Variants in CCDC7 observed in about 807,000 individuals in gnomAD.
CCDC7 encodes the protein coiled-coil domain containing 7.
Under a neutral mutation model 196.9 loss-of-function variants are expected in CCDC7, and 183 were observed. The observed-to-expected ratio is 0.93, with a 90% CI of 0.82 to 1.05. CCDC7 has a LOEUF of 1.05. CCDC7 is among the 50% of genes least tolerant of loss of function. The pLI is 0.00. For synonymous variants in CCDC7, 525 were observed against 484.6 expected, an observed-to-expected ratio of 1.08 and a Z score of -1.10; for missense variants, 1,540 against 1,482.2, an observed-to-expected ratio of 1.04 and a Z score of -0.64.
intron 18 of CCDC7, among the ~76,000 whole-genome samples, chr10:32,619,749 T>C (rs1455137307): frequency 6.6e-6 from 1 of 150,726 alleles, no homozygotes; most frequent in Admixed American, 6.6e-5. Flanking sequence ...CGCACCACCA[T>C]GCCAGTCTAT....
chr10:32,559,933 A>G (rs1378847518), intron 13 of CCDC7, among the ~76,000 whole-genome samples: 1 of 152,204 alleles, frequency 6.6e-6, no homozygotes, highest in Non-Finnish European at 1.5e-5. Context: ...AAAAAAATTT[A>G]GACGAATGTA....
chr10:32,665,544 A>T (rs553928563), intron 21 of CCDC7, among the ~76,000 whole-genome samples: 35 of 151,982 alleles, frequency 2.3e-4, no homozygotes, highest in African/African-American at 8.4e-4. Flanking sequence ...TAGTTTTTCA[A>T]CACCATTGTA....
intron 21 of CCDC7, among the ~76,000 whole-genome samples, chr10:32,674,555 C>T (rs1202469304): frequency 6.6e-6 from 1 of 151,902 alleles, no homozygotes; most frequent in Admixed American, 6.6e-5. Flanking sequence ...TGTGTGTATT[C>T]CGCTGCTTTT....
Position 32,511,264 on chromosome 10 carries a change from G to GGA in CCDC7, c.873-6680_873-6679insAG, listed in dbSNP as rs1554812954. 4.9e-4 allele frequency: 265 copies of GGA among 543,884 alleles called. 14 individuals are homozygous for GGA. The highest frequency in any genetic ancestry group is 7.3e-4 in the Non-Finnish European group (231 of 317,316). The allele number at this position is 543,884 out of a possible 1,614,324, so 33.7% of individuals were successfully genotyped here. ...CACAGAATTATTCTGTGGGGGGCGG[G>GGA]GGGGGCGGGGAAATGTACTTTTTGA... On this transcript the variant is annotated intron_variant, in intron 9 of 41. Coordinates refer to ENST00000639629, the Ensembl canonical transcript of CCDC7.
chr10:32,714,870 A>G (rs1353672497), intron 25 of CCDC7, among the ~76,000 whole-genome samples: 1 of 152,222 alleles, frequency 6.6e-6, no homozygotes, highest in African/African-American at 2.4e-5. Flanking sequence ...TGGGCAGGGC[A>G]TCTCTGAAAG....
intron 31 of CCDC7, among the ~76,000 whole-genome samples, chr10:32,818,212 A>G (rs994434385): frequency 6.6e-6 from 1 of 152,242 alleles, no homozygotes; most frequent in Non-Finnish European, 1.5e-5. Flanking sequence ...AACAGACTTT[A>G]AACCAATGAA....
chr10:32,743,156 C>T (rs963851290), intron 28 of CCDC7, among the ~76,000 whole-genome samples: 2 of 152,098 alleles, frequency 1.3e-5, no homozygotes, highest in Non-Finnish European at 2.9e-5. Flanking sequence ...GACATGTTTT[C>T]AATTCATTTG....
chr10:32,838,109 G>A (rs1397355598), intron 33 of CCDC7, among the ~76,000 whole-genome samples: 2 of 151,726 alleles, frequency 1.3e-5, no homozygotes, highest in Non-Finnish European at 2.9e-5. Flanking sequence ...AAAATAAATA[G>A]GTTCAGAGAA....
intron 13 of CCDC7, among the ~76,000 whole-genome samples, chr10:32,552,689 G>A (rs908254593): frequency 2.0e-5 from 3 of 152,038 alleles, no homozygotes; most frequent in African/African-American, 7.2e-5. Flanking sequence ...GCTTAGTTTC[G>A]CTAGATACAA....
intron 28 of CCDC7, among the ~76,000 whole-genome samples, chr10:32,730,104 T>A (rs2083703479): frequency 6.6e-6 from 1 of 152,170 alleles, no homozygotes; most frequent in Admixed American, 6.5e-5. Context: ...CATCCAGGTA[T>A]TAAGCCCAGC....
chr10:32,665,791 G>A (rs1176268053), intron 21 of CCDC7, among the ~76,000 whole-genome samples: 1 of 151,900 alleles, frequency 6.6e-6, no homozygotes, highest in African/African-American at 2.4e-5. Flanking sequence ...ATTCATAACT[G>A]ATGGGCATTT....
At chr10:32,724,472 G>A (rs2082843304) in intron 25 of CCDC7, among the ~76,000 whole-genome samples, 1 of 151,646 alleles carries the variant, frequency 6.6e-6, no homozygotes, top group Non-Finnish European at 1.5e-5. Context: ...ATAAGCAAGA[G>A]TCTACACAGG....
At chr10:32,793,061 A>T (rs539516913) in intron 29 of CCDC7, among the ~76,000 whole-genome samples, 2 of 152,334 alleles carry the variant, frequency 1.3e-5, no homozygotes, top group African/African-American at 4.8e-5. Flanking sequence ...GTAGATTTTT[A>T]AAAATACACC....
intron 28 of CCDC7, among the ~76,000 whole-genome samples, chr10:32,739,388 T>G (rs756249328): frequency 6.6e-6 from 1 of 152,140 alleles, no homozygotes; most frequent in Non-Finnish European, 1.5e-5. Context: ...CTTATTCTTT[T>G]TTGACTGTGT....
chr10:32,841,497 T>C (rs557355590), intron 33 of CCDC7, among the ~76,000 whole-genome samples: 1 of 151,916 alleles, frequency 6.6e-6, no homozygotes, highest in Non-Finnish European at 1.5e-5. Flanking sequence ...AAAACACTGC[T>C]GAAGGAAATC....
At chr10:32,555,466 G>C (rs1217026185) in intron 13 of CCDC7, among the ~76,000 whole-genome samples, 5 of 151,948 alleles carry the variant, frequency 3.3e-5, no homozygotes, top group African/African-American at 4.8e-5. Context: ...GGATGGTCTC[G>C]ATCTCTTGAC....
chr10:32,599,293 G>A (rs1049557101), intron 18 of CCDC7, among the ~76,000 whole-genome samples: 1 of 151,858 alleles, frequency 6.6e-6, no homozygotes, highest in African/African-American at 2.4e-5. Context: ...ATATTTTTGT[G>A]TCTTTGCATC....
intron 40 of CCDC7, 91 bp downstream of exon 41, chr10:32,852,023 A>G (rs1387382410): frequency 4.4e-6 from 6 of 1,354,752 alleles, no homozygotes; most frequent in Non-Finnish European, 5.9e-6. Context: ...CTTTAGTCAT[A>G]TAACAGTTTG....
intron 13 of CCDC7, among the ~76,000 whole-genome samples, chr10:32,564,887 G>T (rs2056517903): frequency 6.6e-6 from 1 of 152,202 alleles, no homozygotes; most frequent in Non-Finnish European, 1.5e-5. Context: ...TGAGGCAGGA[G>T]GATGGCTTGA....
Sources: gnomAD v4.1 joint callset for allele counts (sites outside exome capture counted in the v4.1 genomes callset) on GRCh38, gnomAD v4.1.1 for gene constraint, MANE v1.5 for transcripts, NCBI Gene and HGNC (gene_info 2026-07-23, HGNC 2026-07-21) for gene names.